SUGCT: variants seen among roughly 807,000 people sequenced by gnomAD.
SUGCT encodes succinyl-CoA:glutarate-CoA transferase.
A neutral mutation model predicts 55.0 loss-of-function variants in SUGCT; 41 were observed. The observed-to-expected ratio is 0.74, with a 90% confidence interval of 0.58 to 0.97. The LOEUF is 0.97. Ranked by LOEUF, SUGCT falls within the 50% of genes least tolerant of loss-of-function variation. SUGCT has a pLI of 0.00. For synonymous variants in SUGCT, 187 were observed against 200.4 expected (o/e 0.93, Z 0.56); for missense variants, 568 against 547.8 (o/e 1.04, Z -0.37).
At chr7:40,484,976 C>A (rs919959307) in intron 11 of SUGCT, among the ~76,000 whole-genome samples, 1 of 151,970 alleles carries the variant, frequency 6.6e-6, no homozygotes, top group East Asian at 1.9e-4. Context: ...ATTTTCTAAA[C>A]CTTGATTTGC....
At chr7:40,639,807 CTG>C (rs1316030562) in intron 12 of SUGCT, among the ~76,000 whole-genome samples, 1 of 152,026 alleles carries the variant, frequency 6.6e-6, no homozygotes, top group African/African-American at 2.4e-5. Context: ...GCCACTGCGT[CTG>C]GCTTGCTTTT....
At chr7:40,358,911 T>G (rs1176392078) in intron 9 of SUGCT, among the ~76,000 whole-genome samples, 1 of 152,226 alleles carries the variant, frequency 6.6e-6, no homozygotes, top group Non-Finnish European at 1.5e-5. Flanking sequence ...CCCCAAGTTA[T>G]GTATACTTCC....
At chr7:40,365,840 A>C (rs1783922073) in intron 9 of SUGCT, among the ~76,000 whole-genome samples, 1 of 152,220 alleles carries the variant, frequency 6.6e-6, no homozygotes, top group African/African-American at 2.4e-5. Flanking sequence ...CATACTGCCC[A>C]ATGTAATTTA....
chr7:40,451,249 G>A (rs562940848), intron 10 of SUGCT, among the ~76,000 whole-genome samples: 34 of 152,236 alleles, frequency 2.2e-4, no homozygotes, highest in African/African-American at 8.2e-4. Flanking sequence ...GGTTGGGGGT[G>A]GGAGGACCTG....
chr7:40,429,324 T>A (rs961684426), intron 9 of SUGCT, among the ~76,000 whole-genome samples: 8 of 152,144 alleles, frequency 5.3e-5, no homozygotes, highest in Non-Finnish European at 1.2e-4. Context: ...GGTGTATTAG[T>A]CAGGGTTCTC....
At chr7:40,252,552 A>G (rs1790498499) in intron 7 of SUGCT, among the ~76,000 whole-genome samples, 1 of 152,248 alleles carries the variant, frequency 6.6e-6, no homozygotes, top group Non-Finnish European at 1.5e-5. Flanking sequence ...TCATCCTGAA[A>G]GTACTACATT....
intron 8 of SUGCT, among the ~76,000 whole-genome samples, chr7:40,305,547 TTCAAACCATAATCCCTCC>T (rs1794805164): frequency 6.6e-6 from 1 of 152,154 alleles, no homozygotes; most frequent in African/African-American, 2.4e-5. Flanking sequence ...GAGATGACAT[TTCAAACCATAATCCCTCC>T]TCTTCTACTT....
intron 11 of SUGCT, among the ~76,000 whole-genome samples, chr7:40,467,271 C>T (rs1333977572): frequency 1.3e-5 from 2 of 149,386 alleles, no homozygotes; most frequent in African/African-American, 4.9e-5. Context: ...CAGTACTCAG[C>T]CTATTTGAGG....
At chr7:40,681,648 A>G (rs181363234) in intron 12 of SUGCT, among the ~76,000 whole-genome samples, 276 of 152,316 alleles carry the variant, frequency 1.8e-3, no homozygotes, top group African/African-American at 6.4e-3. Context: ...TCAGGAAAGC[A>G]GAAGTTACAG....
chr7:40,759,293 A>C (rs1332041031), intron 13 of SUGCT, among the ~76,000 whole-genome samples: 2 of 152,226 alleles, frequency 1.3e-5, no homozygotes, highest in Admixed American at 1.3e-4. Context: ...GCTGCATTTA[A>C]CTATATTTTG....
chr7:40,807,594 C>T (rs1441835000), intron 13 of SUGCT, among the ~76,000 whole-genome samples: 1 of 152,146 alleles, frequency 6.6e-6, no homozygotes, highest in Non-Finnish European at 1.5e-5. Flanking sequence ...AACAGAGGCT[C>T]AGAACCATGA....
intron 9 of SUGCT, among the ~76,000 whole-genome samples, chr7:40,447,200 T>A (rs996277841): frequency 4.6e-5 from 7 of 152,210 alleles, no homozygotes; most frequent in African/African-American, 1.7e-4. Flanking sequence ...ATAAATAGAA[T>A]CACAATATTT....
chr7:40,626,263 C>CT (rs960475991), intron 12 of SUGCT, among the ~76,000 whole-genome samples: 70 of 148,492 alleles, frequency 4.7e-4, no homozygotes, highest in Middle Eastern at 3.5e-3. Flanking sequence ...TCTTTTCTCT[C>CT]TTTTTTTTTT....
chr7:40,251,693 A>C (rs960166781), intron 7 of SUGCT, among the ~76,000 whole-genome samples: 2 of 152,080 alleles, frequency 1.3e-5, no homozygotes, highest in Non-Finnish European at 2.9e-5. Context: ...GACTTTTCCC[A>C]GTGTTAATTT....
chr7:40,607,786 A>G (rs912243780), intron 12 of SUGCT, among the ~76,000 whole-genome samples: 2 of 152,200 alleles, frequency 1.3e-5, no homozygotes, highest in African/African-American at 4.8e-5. Context: ...CTGGGAGAAA[A>G]GTATCCATTT....
intron 13 of SUGCT, among the ~76,000 whole-genome samples, chr7:40,801,835 C>T (rs531448402): frequency 6.6e-6 from 1 of 151,776 alleles, no homozygotes; most frequent in East Asian, 2.0e-4. Flanking sequence ...CCCTCTGGGT[C>T]AGGATGTATA....
intron 9 of SUGCT, among the ~76,000 whole-genome samples, chr7:40,397,037 C>T (rs1233797143): frequency 6.6e-6 from 1 of 152,100 alleles, no homozygotes; most frequent in African/African-American, 2.4e-5. Context: ...ATAGACCTTA[C>T]CACCAGAGTC....
At chr7:40,760,771 C>G (rs1172794883) in intron 13 of SUGCT, among the ~76,000 whole-genome samples, 1 of 151,334 alleles carries the variant, frequency 6.6e-6, no homozygotes, top group Non-Finnish European at 1.5e-5. Flanking sequence ...CCTGGTTTTG[C>G]AATTTATGTT....
chr7:41,031,008 T>C, the SUGCT span, among the ~76,000 whole-genome samples: 1 of 152,148 alleles, frequency 6.6e-6, no homozygotes, highest in African/African-American at 2.4e-5. Context: ...GCTGCCCAGG[T>C]TGGTGTGCAG....
Sources: allele counts gnomAD v4.1 joint callset (sites outside exome capture counted in the v4.1 genomes callset), GRCh38; gene constraint gnomAD v4.1.1; transcripts MANE v1.5; gene names NCBI Gene and HGNC (gene_info 2026-07-23, HGNC 2026-07-21).